CAMK4: variants seen among roughly 807,000 people sequenced by gnomAD.
CAMK4 encodes the protein calcium/calmodulin dependent protein kinase IV, also known as calcium/calmodulin-dependent protein kinase type IV.
Under a neutral mutation model 44.9 loss-of-function variants are expected in CAMK4, and 22 were observed. The observed-to-expected ratio is 0.49, with a 90% CI of 0.35 to 0.70. The LOEUF (loss-of-function observed/expected upper bound fraction) is 0.70. CAMK4 is among the 30% of genes least tolerant of loss of function. The probability of loss-of-function intolerance (pLI) is 0.01; values close to 1 mark genes in which losing one functional copy is unlikely to be tolerated. For synonymous variants in CAMK4, 218 were observed against 215.4 expected (o/e 1.01, Z -0.11); for missense variants, 498 against 586.8 (o/e 0.85, Z 1.56).
At chr5:111,393,969 C>A (rs1751903953) in intron 4 of CAMK4, among the ~76,000 whole-genome samples, 2 of 142,770 alleles carry the variant, frequency 1.4e-5, no homozygotes, top group African/African-American at 2.6e-5. Flanking sequence ...AAAAGTGAAA[C>A]AGAGATGGAG....
At chr5:111,418,554 T>C (rs1355362732) in intron 5 of CAMK4, among the ~76,000 whole-genome samples, 4 of 152,174 alleles carry the variant, frequency 2.6e-5, no homozygotes, top group African/African-American at 9.6e-5. Flanking sequence ...AACTCGTCAT[T>C]TAGCGTTAGG....
At chr5:111,379,271 C>T (rs1001991879) in intron 4 of CAMK4, among the ~76,000 whole-genome samples, 3 of 152,292 alleles carry the variant, frequency 2.0e-5, no homozygotes, top group African/African-American at 7.2e-5. Context: ...GTTTCTCCTT[C>T]TCTTCTTCCC....
chr5:111,298,099 G>A (rs1386606948), intron 1 of CAMK4, among the ~76,000 whole-genome samples: 1 of 152,012 alleles, frequency 6.6e-6, no homozygotes, highest in African/African-American at 2.4e-5. Flanking sequence ...TTTATTCTAA[G>A]CATCTGTACA....
chr5:111,292,443 G>GTA (rs1747312555), intron 1 of CAMK4, among the ~76,000 whole-genome samples: 3 of 152,128 alleles, frequency 2.0e-5, no homozygotes, highest in East Asian at 1.9e-4. Flanking sequence ...GTATATATAT[G>GTA]TATATATAGT....
At chr5:111,444,633 A>G (rs1325863167) in intron 5 of CAMK4, among the ~76,000 whole-genome samples, 1 of 152,076 alleles carries the variant, frequency 6.6e-6, no homozygotes, top group Non-Finnish European at 1.5e-5. Flanking sequence ...TTCCATTTTC[A>G]TGCATGAGCC....
In CAMK4 at chr5:111,266,682, GT is replaced by G. The variant is rs1750260578; in HGVS notation, c.161+42042del. 2.0e-5 allele frequency among the ~76,000 whole-genome samples: 3 copies of G among 152,292 alleles called. No individual in the cohort carries two copies. The South Asian group carries it at 6.2e-4, about 32-fold the overall frequency. On this transcript the variant is annotated intron_variant, in intron 1 of 10. Coordinates refer to ENST00000282356, the MANE Select transcript of CAMK4 (RefSeq NM_001744.6). Reference sequence around the variant, plus strand: ...ATTGACTCATACTCGTTTTGGAGATGTTTTGCCATACAAATAAAATGTCTAA... The same window carrying G: ...ATTGACTCATACTCGTTTTGGAGATGTTTGCCATACAAATAAAATGTCTAA...
At chr5:111,230,389 C>T (rs1200186879) in intron 1 of CAMK4, among the ~76,000 whole-genome samples, 2 of 152,198 alleles carry the variant, frequency 1.3e-5, no homozygotes, top group Non-Finnish European at 1.5e-5. Context: ...TGAAATGCCT[C>T]CAAGCTATAC....
At chr5:111,263,968 C>G (rs948170594) in intron 1 of CAMK4, among the ~76,000 whole-genome samples, 1 of 152,188 alleles carries the variant, frequency 6.6e-6, no homozygotes, top group Non-Finnish European at 1.5e-5. Context: ...CCATTCTTCC[C>G]CTGGTTTATG....
At chr5:111,432,056 A>C (rs1580744937) in intron 5 of CAMK4, among the ~76,000 whole-genome samples, 1 of 152,196 alleles carries the variant, frequency 6.6e-6, no homozygotes, top group African/African-American at 2.4e-5. Flanking sequence ...CTGCACTCCC[A>C]TGTTTGTTTC....
chr5:111,432,607 CAT>C (rs1753489484), intron 5 of CAMK4, among the ~76,000 whole-genome samples: 1 of 146,692 alleles, frequency 6.8e-6, no homozygotes, highest in Non-Finnish European at 1.5e-5. Flanking sequence ...TCATGTACCT[CAT>C]ATATATGTGT....
At chr5:111,429,767 G>A (rs1753365351) in intron 5 of CAMK4, among the ~76,000 whole-genome samples, 2 of 84,692 alleles carry the variant, frequency 2.4e-5, no homozygotes, top group Admixed American at 2.0e-4. Context: ...GACAGAGTGA[G>A]ACCTCATCTC....
rs529310324 is a variant in CAMK4, at chr5:111,482,600, C to T, written c.829-185C>T. 3.6e-5 allele frequency: 16 copies of T among 447,430 alleles called. No individual in the cohort carries two copies. Among genetic ancestry groups the T allele is most frequent in the Non-Finnish European group, 5.9e-5 (15 of 255,032 alleles). The allele number at this position is 447,430 out of a possible 1,614,324, so 27.7% of individuals were successfully genotyped here. A position where few individuals can be genotyped will look rare whatever the true frequency, so the allele number is the denominator to read the frequency against. On this transcript the variant is annotated intron_variant, in intron 9 of 10. Transcript: ENST00000282356. The surrounding 1 kb of genome is among the most constrained non-coding windows in gnomAD (Gnocchi z 4.9). ...ACATGGCCCTGTCTTCTCATACTCC[C>T]TCAGCTACTGCTACCTGAAGCTGTG... is the stretch of plus-strand genomic sequence containing the variant.
intron 2 of CAMK4, chr5:111,364,871 C>T (rs1442116885): frequency 6.6e-6 from 1 of 152,038 alleles, no homozygotes; most frequent in East Asian, 1.9e-4. Flanking sequence ...AGGTTGGCTT[C>T]ATGTTAGTCA....
At chr5:111,248,609 T>A (rs1161984077) in intron 1 of CAMK4, among the ~76,000 whole-genome samples, 28 of 152,190 alleles carry the variant, frequency 1.8e-4, no homozygotes, top group Non-Finnish European at 1.8e-4. Context: ...TCTAGCACAT[T>A]GCTTTAGTCT....
At chr5:111,478,345 TA>T (rs1426226918) in intron 8 of CAMK4, 35 bp from the exon 9 acceptor site, 1 of 1,368,422 alleles carries the variant, frequency 7.3e-7, no homozygotes, top group South Asian at 1.4e-5. Flanking sequence ...CTTGAGCTTT[TA>T]AAGACATTTT....
chr5:111,286,030 T>G (rs1751226584), intron 1 of CAMK4, among the ~76,000 whole-genome samples: 1 of 152,194 alleles, frequency 6.6e-6, no homozygotes, highest in African/African-American at 2.4e-5. Context: ...GATCAGAGGC[T>G]GAATTGGTAT....
chr5:111,467,032 T>G (rs185163), intron 7 of CAMK4, among the ~76,000 whole-genome samples: 115,078 of 151,894 alleles, frequency 0.76, 43,880 homozygotes, highest in Non-Finnish European at 0.79. Flanking sequence ...CAGAAATAAA[T>G]TGAAATACTT....
intron 1 of CAMK4, among the ~76,000 whole-genome samples, chr5:111,258,179 A>T (rs925037492): frequency 6.6e-6 from 1 of 152,208 alleles, no homozygotes; most frequent in African/African-American, 2.4e-5. Flanking sequence ...TTAAAAATAG[A>T]CATGGCTTTA....
chr5:111,227,754 G>A (rs1181679630), intron 1 of CAMK4, among the ~76,000 whole-genome samples: 1 of 152,200 alleles, frequency 6.6e-6, no homozygotes, highest in Non-Finnish European at 1.5e-5. Context: ...GGTTACGGGT[G>A]AATTAAAAGT....
Sources: gnomAD v4.1 joint callset for allele counts (sites outside exome capture counted in the v4.1 genomes callset) on GRCh38, gnomAD v4.1.1 for gene constraint, Gnocchi (gnomAD v3.1) non-coding constraint, MANE v1.5 for transcripts, NCBI Gene and HGNC (gene_info 2026-07-23, HGNC 2026-07-21) for gene names.